ELMO1: variants seen among roughly 807,000 people sequenced by gnomAD.
ELMO1 encodes the protein engulfment and cell motility protein 1.
A neutral mutation model predicts 98.9 loss-of-function variants in ELMO1; 26 were observed. The observed-to-expected ratio is 0.26, with a 90% CI of 0.19 to 0.36. The LOEUF is 0.36. ELMO1 is among the 10% of genes least tolerant of loss of function. The pLI is 1.00. For synonymous variants in ELMO1, 346 were observed against 346.0 expected, an observed-to-expected ratio of 1.00 and a Z score of 0.00; for missense variants, 627 against 935.2, an observed-to-expected ratio of 0.67 and a Z score of 4.30.
At chr7:37,286,323 A>G (rs1797391657) in intron 4 of ELMO1, among the ~76,000 whole-genome samples, 1 of 152,238 alleles carries the variant, frequency 6.6e-6, no homozygotes, top group African/African-American at 2.4e-5. Flanking sequence ...CCACCCAGAC[A>G]CTAGTGTCAG....
At chr7:36,985,187 G>T in intron 16 of ELMO1, 1 of 866,926 alleles carries the variant, frequency 1.2e-6, no homozygotes, top group Non-Finnish European at 1.4e-6. Context: ...TCCCTTTCCT[G>T]GCAGAGAGCC....
chr7:37,121,679 G>A (rs1208631824), intron 14 of ELMO1, among the ~76,000 whole-genome samples: 1 of 152,208 alleles, frequency 6.6e-6, no homozygotes, highest in Non-Finnish European at 1.5e-5. Flanking sequence ...CGGGGAGAAT[G>A]GAACCAAGTT....
At chr7:37,171,483 A>ATT (rs71780142) in intron 13 of ELMO1, among the ~76,000 whole-genome samples, 2,079 of 82,756 alleles carry the variant, frequency 0.025, 608 homozygotes, top group East Asian at 0.085. Context: ...AGGCCTTTCT[A>ATT]TTTTTTTTTT....
At chr7:37,062,088 T>A (rs542627414) in intron 15 of ELMO1, among the ~76,000 whole-genome samples, 4 of 152,230 alleles carry the variant, frequency 2.6e-5, no homozygotes, top group Non-Finnish European at 2.9e-5. Context: ...GATAATATAT[T>A]CACCACCATG....
At chr7:37,130,781 A>G (rs1376601753) in intron 14 of ELMO1, among the ~76,000 whole-genome samples, 2 of 151,240 alleles carry the variant, frequency 1.3e-5, no homozygotes, top group Non-Finnish European at 3.0e-5. Flanking sequence ...GTGTGTTACA[A>G]TTTTTTTTTA....
intron 13 of ELMO1, among the ~76,000 whole-genome samples, chr7:37,153,391 G>A (rs1170311745): frequency 1.8e-4 from 27 of 152,190 alleles, no homozygotes; most frequent in Admixed American, 1.8e-3. Flanking sequence ...GCCAAGGGAA[G>A]CTATGAGTGA....
At chr7:36,965,034 C>T (rs1042585686) in intron 16 of ELMO1, among the ~76,000 whole-genome samples, 1 of 152,152 alleles carries the variant, frequency 6.6e-6, no homozygotes, top group Admixed American at 6.5e-5. Flanking sequence ...TCCTTGAATA[C>T]CTCTGTCTCT....
At chr7:37,198,603 C>T (rs922083023) in intron 13 of ELMO1, among the ~76,000 whole-genome samples, 5 of 152,238 alleles carry the variant, frequency 3.3e-5, no homozygotes, top group Admixed American at 1.3e-4. Context: ...AGGCTGCACT[C>T]GTAAAAGCTA....
intron 15 of ELMO1, among the ~76,000 whole-genome samples, chr7:37,028,818 A>G (rs1794725480): frequency 6.6e-6 from 1 of 152,206 alleles, no homozygotes; most frequent in African/African-American, 2.4e-5. Context: ...TTTAGTAAAC[A>G]AGACACCAAA....
At chr7:37,162,084 G>A (rs1284047202) in intron 13 of ELMO1, among the ~76,000 whole-genome samples, 1 of 150,060 alleles carries the variant, frequency 6.7e-6, no homozygotes, top group Admixed American at 6.7e-5. Context: ...GTGCACGGTG[G>A]GGGTAAACTG....
At chr7:36,998,470 T>A (rs1419288428) in intron 16 of ELMO1, among the ~76,000 whole-genome samples, 1 of 152,208 alleles carries the variant, frequency 6.6e-6, no homozygotes, top group Non-Finnish European at 1.5e-5. Context: ...TTTTATTTCT[T>A]CCACGTATAT....
chr7:36,860,322 A>G (rs560735956), intron 21 of ELMO1, among the ~76,000 whole-genome samples: 3 of 152,182 alleles, frequency 2.0e-5, no homozygotes. Flanking sequence ...TGAGGTATTC[A>G]GTTCTGGGAG....
chr7:37,204,577 G>A (rs976335164), intron 13 of ELMO1, among the ~76,000 whole-genome samples: 4 of 152,190 alleles, frequency 2.6e-5, no homozygotes, highest in African/African-American at 4.8e-5. Context: ...CATGGAAGGC[G>A]ACCCAAAGGG....
At chr7:37,082,197 G>A (rs781574802) in intron 15 of ELMO1, among the ~76,000 whole-genome samples, 2 of 152,196 alleles carry the variant, frequency 1.3e-5, no homozygotes, top group East Asian at 3.8e-4. Context: ...AGCTGCACTG[G>A]CATTATAATG....
chr7:37,351,939 C>T (rs528120587), intron 1 of ELMO1, among the ~76,000 whole-genome samples: 44 of 152,314 alleles, frequency 2.9e-4, no homozygotes, highest in African/African-American at 1.0e-3. Flanking sequence ...TCAGAAGTCA[C>T]GCATGGATTG....
intron 4 of ELMO1, among the ~76,000 whole-genome samples, chr7:37,294,536 T>G (rs1485553240): frequency 1.3e-5 from 2 of 152,146 alleles, no homozygotes; most frequent in Non-Finnish European, 2.9e-5. Context: ...TGACCTTCCC[T>G]CTAATCCAAA....
At chr7:36,867,199 T>C (rs963199528) in intron 20 of ELMO1, among the ~76,000 whole-genome samples, 1 of 152,180 alleles carries the variant, frequency 6.6e-6, no homozygotes, top group Admixed American at 6.5e-5. Context: ...CAGCTGTCCA[T>C]CCATCATCCA....
chr7:36,887,026 G>A (rs1805068156), intron 18 of ELMO1, among the ~76,000 whole-genome samples: 1 of 152,156 alleles, frequency 6.6e-6, no homozygotes. Context: ...CTACAGCAAG[G>A]GGAGTCATTA....
At chr7:37,194,836 ATT>A (rs1194630188) in intron 13 of ELMO1, among the ~76,000 whole-genome samples, 1 of 152,238 alleles carries the variant, frequency 6.6e-6, no homozygotes, top group East Asian at 1.9e-4. Flanking sequence ...TTTATAGTCT[ATT>A]TGTATGATTC....
Sources: allele counts gnomAD v4.1 joint callset (sites outside exome capture counted in the v4.1 genomes callset), GRCh38; gene constraint gnomAD v4.1.1; transcripts MANE v1.5; gene names NCBI Gene and HGNC (gene_info 2026-07-23, HGNC 2026-07-21).